The following ABCC9 variants were observed in gnomAD, a reference collection of about 807,000 sequenced individuals.
The protein encoded by ABCC9 is ATP binding cassette subfamily C member 9, also known as ATP-binding cassette sub-family C member 9.
Under a neutral mutation model 188.3 loss-of-function variants are expected in ABCC9, and 95 were observed. The ratio of observed to expected loss-of-function variants is 0.50; its 90% CI spans 0.43 to 0.60. The LOEUF is 0.60. ABCC9 is among the 20% of genes least tolerant of loss of function. The pLI, the probability that ABCC9 is intolerant of heterozygous loss-of-function variation, is 0.00. For synonymous variants in ABCC9, 659 were observed against 652.7 expected (o/e 1.01, Z -0.15); for missense variants, 1,102 against 1,876.3 (o/e 0.59, Z 7.62).
At chr12:21,915,286 G>GTATGTATATACATGTGTGTA (rs1555116041) in intron 7 of ABCC9, among the ~76,000 whole-genome samples, 33 of 129,094 alleles carry the variant, frequency 2.6e-4, no homozygotes, top group Non-Finnish European at 5.0e-4. Context: ...ATATATGTGT[G>GTATGTATATACATGTGTGTA]TATATATACA....
chr12:21,887,988 A>G, intron 14 of ABCC9, 54 bp from the exon 15 acceptor site: 15 of 1,330,914 alleles, frequency 1.1e-5, no homozygotes, highest in Non-Finnish European at 1.5e-5. Flanking sequence ...CACCACCAAC[A>G]AAGTGCTACC....
intron 3 of ABCC9, among the ~76,000 whole-genome samples, 200 bp from the exon 4 acceptor site, chr12:21,934,123 G>A (rs143164193): frequency 6.6e-6 from 1 of 152,118 alleles, no homozygotes; most frequent in East Asian, 1.9e-4. Context: ...AGACTACTCA[G>A]GCTAACACAT....
chr12:21,894,541 T>C (rs1947311795), intron 13 of ABCC9, among the ~76,000 whole-genome samples: 1 of 72,118 alleles, frequency 1.4e-5, no homozygotes, highest in African/African-American at 5.5e-5. Flanking sequence ...AAGAATGTTC[T>C]GTTGTTTTGG....
chr12:21,832,818 C>T (rs867944467), intron 30 of ABCC9, among the ~76,000 whole-genome samples: 6 of 152,132 alleles, frequency 3.9e-5, no homozygotes, highest in African/African-American at 1.2e-4. Context: ...AAGACAGTTG[C>T]ACACACATGT....
At chr12:21,836,456 T>C (rs1228183643) in intron 30 of ABCC9, among the ~76,000 whole-genome samples, 1 of 152,198 alleles carries the variant, frequency 6.6e-6, no homozygotes, top group Non-Finnish European at 1.5e-5. Flanking sequence ...TTCACACATC[T>C]GTTATATCTT....
In ABCC9 at chr12:21,803,587, G is replaced by A. The variant is rs189649012; in HGVS notation, c.4513-2406C>T. 3.0e-4 allele frequency among the ~76,000 whole-genome samples: 46 copies of A among 151,116 alleles called. No homozygotes were observed. The South Asian group carries it at 3.8e-3, about 12-fold the overall frequency. On this transcript the variant is annotated intron_variant, in intron 39 of 39. Transcript: ENST00000261200. ...GGAGAATCGTTTGAACCCAGAAGGCGGAGGTTGCGGTGAGCTGAGATCGAG... is the reference window on the plus strand; with the variant it reads ...GGAGAATCGTTTGAACCCAGAAGGCAGAGGTTGCGGTGAGCTGAGATCGAG...
At chr12:21,907,285 C>G (rs190557493) in intron 11 of ABCC9, among the ~76,000 whole-genome samples, 296 of 152,068 alleles carry the variant, frequency 1.9e-3, no homozygotes, top group Non-Finnish European at 1.2e-3. Context: ...AATGAGTAAC[C>G]TACCTAAAGG....
Position 21,882,852 on chromosome 12 carries a change from T to C in ABCC9, c.1933A>G (p.Lys645Glu), listed in dbSNP as rs876657734. 4 of 1,613,930 alleles carry C rather than the reference T, an allele frequency of 2.5e-6. No individual in the cohort carries two copies. The highest frequency in any genetic ancestry group is 3.4e-6 in the Non-Finnish European group (4 of 1,179,924). ...TGVQPKTINR[K>E]QPGRYHLDSY... Reference sequence around the variant, plus strand: ...TCCAGGTGATATCTTCCAGGCTGTTTCCTGTTTATAGTTTTTGGCTGCTGC... The same window carrying C: ...TCCAGGTGATATCTTCCAGGCTGTTCCCTGTTTATAGTTTTTGGCTGCTGC... The change falls in exon 16 of 40, where the codon AAA becomes GAA. Residue 645 changes from lysine (K) to glutamate (E), a missense_variant. By Grantham distance (56) the Lys-to-Glu change is moderately conservative. Around this residue, in one of 12 missense-constraint regions of ABCC9, gnomAD observed 258 missense variants for 325.6 expected, o/e 0.79. Coordinates refer to ENST00000261200, the MANE Select transcript of ABCC9 (RefSeq NM_020297.4).
At chr12:21,827,012 G>T in intron 31 of ABCC9, 3 of 530,040 alleles carry the variant, frequency 5.7e-6, no homozygotes, top group Non-Finnish European at 7.2e-6. Context: ...GGCCTGTTCT[G>T]CCCTTCCTGT....
intron 12 of ABCC9, among the ~76,000 whole-genome samples, chr12:21,903,961 C>CCG (rs1947900758): frequency 6.6e-6 from 1 of 152,152 alleles, no homozygotes; most frequent in South Asian, 2.1e-4. Flanking sequence ...AAAAAAGAGC[C>CCG]CACATTGCCA....
In ABCC9 at chr12:21,851,989, T is replaced by C. The variant is rs1944992544; in HGVS notation, c.2769+108A>G. 2.4e-6 allele frequency: 3 copies of C among 1,263,068 alleles called. No individual in the cohort carries two copies. The African/African-American group carries it at 4.5e-5, about 19-fold the overall frequency. 78.2% of individuals were successfully genotyped at this position (1,263,068 alleles called of 1,614,324 possible). A position where few individuals can be genotyped will look rare whatever the true frequency, so the allele number is the denominator to read the frequency against. Reference sequence around the variant, plus strand: ...TTTGGATTTCAGATAAAGACCATTATATTACAAAGTATTAAATGGTAATTT... The same window carrying C: ...TTTGGATTTCAGATAAAGACCATTACATTACAAAGTATTAAATGGTAATTT... On this transcript the variant is annotated intron_variant, in intron 24 of 39. Transcript: ENST00000261200.
chr12:21,937,796 C>T (rs1038733907), intron 2 of ABCC9, among the ~76,000 whole-genome samples: 2 of 152,138 alleles, frequency 1.3e-5, no homozygotes, highest in Non-Finnish European at 2.9e-5. Flanking sequence ...ACCAGTAAAG[C>T]GGTCATGTCC....
chr12:21,937,523 A>T (rs569333032), intron 2 of ABCC9, among the ~76,000 whole-genome samples: 7 of 152,116 alleles, frequency 4.6e-5, no homozygotes, highest in Non-Finnish European at 8.8e-5. Flanking sequence ...GGGGCAGAGG[A>T]GTGACGTGCT....
At position 21,829,022 on chromosome 12, in the gene ABCC9, G is replaced by A. The variant is rs2137272605; in HGVS notation, c.3605C>T (p.Thr1202Met). Residue 1202 changes from threonine to methionine, a missense_variant, in exon 31 of 40, where the codon ACG (threonine) becomes ATG (methionine). Physicochemically the swap from Thr to Met is moderately conservative, Grantham distance 81 (BLOSUM62 -1). This residue lies in a region of ABCC9 where 143 missense variants were observed against 225.6 expected (regional missense o/e 0.63). Coordinates refer to ENST00000261200, the MANE Select transcript of ABCC9 (RefSeq NM_020297.4). Reference protein sequence around the residue: ...TRFKQRMLELTDTNNIAYLFL... With the variant: ...TRFKQRMLELMDTNNIAYLFL... ...TAAGTAGGCAATGTTGTTTGTATCC[G>A]TCAGTTCCAGCATACGTTGTTTAAA... 6.2e-7 allele frequency: 1 copy of A among 1,613,822 alleles called. No homozygotes were observed. Among genetic ancestry groups the A allele is most frequent in the Non-Finnish European group, 8.5e-7 (1 of 1,179,920 alleles).
chr12:21,872,993 A>T (rs1365039600), intron 17 of ABCC9, among the ~76,000 whole-genome samples: 1 of 151,896 alleles, frequency 6.6e-6, no homozygotes, highest in African/African-American at 2.4e-5. Flanking sequence ...TGCCTAGATT[A>T]TCGAGATTAG....
At chr12:21,887,124 A>C (rs1946915216) in intron 15 of ABCC9, among the ~76,000 whole-genome samples, 1 of 152,212 alleles carries the variant, frequency 6.6e-6, no homozygotes, top group Non-Finnish European at 1.5e-5. Flanking sequence ...CACAAAGCAC[A>C]GGGCAGCCAA....
chr12:21,820,862 A>C (rs1942997944), intron 31 of ABCC9, among the ~76,000 whole-genome samples: 1 of 151,626 alleles, frequency 6.6e-6, no homozygotes, highest in Non-Finnish European at 1.5e-5. Flanking sequence ...TCCTCAAAGC[A>C]CTCCGAAGTG....
intron 12 of ABCC9, among the ~76,000 whole-genome samples, chr12:21,903,903 C>T (rs1006402576): frequency 5.3e-4 from 81 of 152,326 alleles, no homozygotes; most frequent in African/African-American, 1.8e-3. Flanking sequence ...CTACCAATGA[C>T]TTTCTTCACA....
rs1414162483 is a variant in ABCC9 at position 21,910,838 on chromosome 12, A to T, written c.1152T>A (p.Arg384=). ...YVTIETGINL[R]GALLAMIYNK... The stretch of plus-strand genomic sequence containing the variant: ...AGCCTTTACATACCAGCAGAGCTCC[A>T]CGGAGGTTAATGCCAGTCTCTATGG... The change falls in exon 9 of 40, where the codon CGT becomes CGA. Residue 384 remains arginine (R), a synonymous_variant. Coordinates refer to ENST00000261200, the MANE Select transcript of ABCC9 (RefSeq NM_020297.4). 6.2e-7 allele frequency: 1 copy of T among 1,611,932 alleles called. No individual in the cohort carries two copies. The highest frequency in any genetic ancestry group is 8.5e-7 in the Non-Finnish European group (1 of 1,178,380).
Sources: allele counts gnomAD v4.1 joint callset (sites outside exome capture counted in the v4.1 genomes callset), GRCh38; gene constraint gnomAD v4.1.1; regional missense constraint gnomAD v4.1.1; transcripts MANE v1.5; gene names NCBI Gene and HGNC (gene_info 2026-07-23, HGNC 2026-07-21).